Variants in ERBB4 observed in about 807,000 individuals in gnomAD.
ERBB4 encodes the protein erb-b2 receptor tyrosine kinase 4, also known as receptor tyrosine-protein kinase erbB-4.
ERBB4 carries 42 observed loss-of-function variants against 158.0 expected under a neutral mutation model. The observed-to-expected ratio is 0.27, with a 90% CI of 0.21 to 0.34. The LOEUF is 0.34. ERBB4 is among the 10% of genes least tolerant of loss of function. The pLI is 1.00. For synonymous variants in ERBB4, 583 were observed against 558.7 expected (o/e 1.04, Z -0.61); for missense variants, 1,333 against 1,624.1 (o/e 0.82, Z 3.08).
intron 2 of ERBB4, among the ~76,000 whole-genome samples, chr2:212,109,533 G>A (rs933390624): frequency 1.3e-5 from 2 of 152,116 alleles, no homozygotes; most frequent in Middle Eastern, 3.2e-3. Flanking sequence ...TGTCCCAATT[G>A]CCTATTATAG....
chr2:211,897,318 GA>G (rs2079123111), intron 3 of ERBB4, among the ~76,000 whole-genome samples: 1 of 151,650 alleles, frequency 6.6e-6, no homozygotes, highest in Admixed American at 6.6e-5. Flanking sequence ...GCTTCTGCCA[GA>G]AGTTTACAGA....
At chr2:211,739,282 C>T (rs535735759) in intron 5 of ERBB4, among the ~76,000 whole-genome samples, 2 of 152,132 alleles carry the variant, frequency 1.3e-5, no homozygotes, top group Non-Finnish European at 2.9e-5. Context: ...AAAATGTCAC[C>T]TTTGTAAAAA....
At chr2:211,396,161 CAT>C (rs1433350552) in intron 25 of ERBB4, among the ~76,000 whole-genome samples, 2 of 151,980 alleles carry the variant, frequency 1.3e-5, no homozygotes, top group African/African-American at 4.8e-5. Flanking sequence ...TGTGTGGATA[CAT>C]ATGTTAGATA....
chr2:212,461,135 C>G (rs998502869), intron 1 of ERBB4, among the ~76,000 whole-genome samples: 11 of 152,194 alleles, frequency 7.2e-5, no homozygotes, highest in Non-Finnish European at 1.5e-4. Flanking sequence ...GGGAACCCCC[C>G]CTCCACAGAG....
At chr2:212,132,316 C>T (rs1201645726) in intron 1 of ERBB4, among the ~76,000 whole-genome samples, 1 of 152,068 alleles carries the variant, frequency 6.6e-6, no homozygotes, top group East Asian at 1.9e-4. Flanking sequence ...AAGGGATGGG[C>T]CTGTGATGGT....
chr2:211,829,401 A>C (rs953028387), intron 3 of ERBB4, among the ~76,000 whole-genome samples: 3 of 152,146 alleles, frequency 2.0e-5, no homozygotes, highest in Non-Finnish European at 4.4e-5. Flanking sequence ...ATATATTCAT[A>C]TGCTACTCAA....
intron 19 of ERBB4, among the ~76,000 whole-genome samples, chr2:211,568,256 G>T (rs540932924): frequency 1.3e-5 from 2 of 151,630 alleles, no homozygotes; most frequent in Non-Finnish European, 2.9e-5. Flanking sequence ...AATGAAGTCT[G>T]GTGTAAATAA....
chr2:212,415,261 G>C (rs959864817), intron 1 of ERBB4, among the ~76,000 whole-genome samples: 1 of 152,120 alleles, frequency 6.6e-6, no homozygotes, highest in African/African-American at 2.4e-5. Flanking sequence ...GTGAATGCCT[G>C]TTTTACAAGT....
chr2:211,691,516 C>T (rs983474279), intron 12 of ERBB4, among the ~76,000 whole-genome samples: 2 of 151,268 alleles, frequency 1.3e-5, no homozygotes, highest in Admixed American at 6.6e-5. Context: ...ATGGAGTTTA[C>T]AGCTAATTAG....
At chr2:211,862,225 T>C (rs1157207683) in intron 3 of ERBB4, among the ~76,000 whole-genome samples, 1 of 152,186 alleles carries the variant, frequency 6.6e-6, no homozygotes, top group Non-Finnish European at 1.5e-5. Flanking sequence ...TTTTAATTTT[T>C]AACATATTTA....
chr2:212,106,658 G>T (rs2079236282), intron 2 of ERBB4, among the ~76,000 whole-genome samples: 1 of 152,226 alleles, frequency 6.6e-6, no homozygotes, highest in Non-Finnish European at 1.5e-5. Flanking sequence ...TGTCCCCAGG[G>T]CATGTCAGAG....
chr2:211,838,778 A>G, intron 3 of ERBB4, among the ~76,000 whole-genome samples: 1 of 152,134 alleles, frequency 6.6e-6, no homozygotes, highest in Non-Finnish European at 1.5e-5. Context: ...CGGGTCTGTG[A>G]TTCGGACTAA....
chr2:211,831,080 A>C (rs2077208584), intron 3 of ERBB4, among the ~76,000 whole-genome samples: 1 of 152,194 alleles, frequency 6.6e-6, no homozygotes, highest in African/African-American at 2.4e-5. Flanking sequence ...AAAAACAGCA[A>C]ACATTATTTG....
At chr2:212,331,075 C>CGTATATATAT (rs961860230) in intron 1 of ERBB4, among the ~76,000 whole-genome samples, 2 of 21,354 alleles carry the variant, frequency 9.4e-5, no homozygotes, top group Non-Finnish European at 1.8e-4. Flanking sequence ...TATATATACA[C>CGTATATATAT]ATATATATAT....
chr2:211,776,115 G>T (rs1236481306), intron 4 of ERBB4, among the ~76,000 whole-genome samples: 1 of 152,158 alleles, frequency 6.6e-6, no homozygotes, highest in Admixed American at 6.6e-5. Flanking sequence ...GTGTAGTGGG[G>T]TATCTAATCC....
At chr2:211,445,587 A>G (rs770982260) in intron 20 of ERBB4, among the ~76,000 whole-genome samples, 1 of 152,144 alleles carries the variant, frequency 6.6e-6, no homozygotes, top group Non-Finnish European at 1.5e-5. Flanking sequence ...AACTAGCGAC[A>G]GTATCAAATA....
chr2:211,661,128 A>T (rs1190151063), intron 15 of ERBB4, among the ~76,000 whole-genome samples: 1 of 152,130 alleles, frequency 6.6e-6, no homozygotes, highest in Non-Finnish European at 1.5e-5. Flanking sequence ...TGAGATTCAA[A>T]CCTATTTTTA....
chr2:211,636,680 T>C (rs986372268), intron 16 of ERBB4, among the ~76,000 whole-genome samples: 1 of 151,924 alleles, frequency 6.6e-6, no homozygotes, highest in Non-Finnish European at 1.5e-5. Flanking sequence ...TAAAGGAATT[T>C]AGGATACCCA....
At chr2:212,200,246 A>G (rs2105900436) in intron 1 of ERBB4, among the ~76,000 whole-genome samples, 1 of 152,276 alleles carries the variant, frequency 6.6e-6, no homozygotes, top group South Asian at 2.1e-4. Flanking sequence ...GCAAAATATC[A>G]TATAAAGGAA....
Sources: gnomAD v4.1 joint callset for allele counts (sites outside exome capture counted in the v4.1 genomes callset) on GRCh38, gnomAD v4.1.1 for gene constraint, MANE v1.5 for transcripts, NCBI Gene and HGNC (gene_info 2026-07-23, HGNC 2026-07-21) for gene names.